The following PTPRD variants were observed in gnomAD, a reference collection of about 807,000 sequenced individuals.
The protein encoded by PTPRD is receptor-type tyrosine-protein phosphatase delta.
In PTPRD, 34 loss-of-function variants were observed where a neutral mutation model predicts 214.5. The observed-to-expected ratio is 0.16, with a 90% CI of 0.12 to 0.21. The LOEUF is 0.21. PTPRD is among the 10% of genes least tolerant of loss of function. PTPRD has a pLI of 1.00. For synonymous variants in PTPRD, 1,128 were observed against 845.7 expected (o/e 1.33, Z -5.79); for missense variants, 2,545 against 2,398.7 (o/e 1.06, Z -1.27).
At chr9:9,857,392 G>A (rs1245761226) in intron 5 of PTPRD, among the ~76,000 whole-genome samples, 1 of 152,162 alleles carries the variant, frequency 6.6e-6, no homozygotes, top group Non-Finnish European at 1.5e-5. Flanking sequence ...GGAGCCCTGA[G>A]TAAGTTAAAT....
intron 8 of PTPRD, among the ~76,000 whole-genome samples, chr9:9,517,903 T>C (rs768431779): frequency 2.0e-5 from 3 of 151,492 alleles, no homozygotes; most frequent in Non-Finnish European, 4.4e-5. Context: ...CTTGAAACAA[T>C]TGTAATAATC....
intron 3 of PTPRD, among the ~76,000 whole-genome samples, chr9:10,094,716 G>A (rs1430093452): frequency 1.3e-5 from 2 of 151,218 alleles, no homozygotes; most frequent in East Asian, 2.0e-4. Context: ...AGGAATTGAA[G>A]TAAGGAATTA....
At chr9:8,958,925 G>A (rs970037019) in intron 11 of PTPRD, 1 of 151,946 alleles carries the variant, frequency 6.6e-6, no homozygotes, top group Non-Finnish European at 1.5e-5. Context: ...TACTATGTGA[G>A]CCAATGAATT....
Position 8,341,735 on chromosome 9 carries a change from T to C in PTPRD, c.4905A>G (p.Ile1635Met), listed in dbSNP as rs2132489972. The change falls in exon 40 of 46, where the codon ATA becomes ATG. Residue 1635 changes from isoleucine to methionine, a missense_variant. Transcript: ENST00000381196. ...TTCCTGTGACATTCTCTCCCGTTTC[T>C]ATTTGTGTCAGCTTCTGAATGTAGG... ...LYAYIQKLTQ[I>M]ETGENVTGME... The C allele has an allele frequency of 1.2e-6, 2 of 1,613,570 alleles. No homozygotes were observed. Among genetic ancestry groups the C allele is most frequent in the East Asian group, 2.2e-5 (1 of 44,820 alleles).
At chr9:8,714,282 C>T (rs2098405008) in intron 12 of PTPRD, among the ~76,000 whole-genome samples, 1 of 149,124 alleles carries the variant, frequency 6.7e-6, no homozygotes, top group African/African-American at 2.5e-5. Context: ...ATCATCTTTA[C>T]CTTTCCCCTT....
At chr9:9,450,126 G>C (rs10977761) in intron 8 of PTPRD, among the ~76,000 whole-genome samples, 70,184 of 146,288 alleles carry the variant, frequency 0.48, 16,864 homozygotes, top group East Asian at 0.64. Flanking sequence ...GTGTCTGTGT[G>C]TGTGTGTGTG....
chr9:9,693,275 G>A (rs2097307619), intron 7 of PTPRD, among the ~76,000 whole-genome samples: 1 of 152,062 alleles, frequency 6.6e-6, no homozygotes, highest in African/African-American at 2.4e-5. Context: ...GGAGGAATCT[G>A]GTGAGAAGTG....
At chr9:8,586,437 T>C (rs1406286277) in intron 14 of PTPRD, among the ~76,000 whole-genome samples, 1 of 152,244 alleles carries the variant, frequency 6.6e-6, no homozygotes, top group African/African-American at 2.4e-5. Context: ...TACCACTCAT[T>C]CCACATTGGA....
chr9:10,583,282 G>C lies in PTPRD; in HGVS notation c.-600+29116C>G, dbSNP rs577037427. ...GCGGGTGACCTACCTTTTAGAAGAG[G>C]ACAAAAGCTAACATGTGAGATGGTA... On this transcript the variant is annotated intron_variant, in intron 2 of 45. Coordinates refer to ENST00000381196, the MANE Select transcript of PTPRD (RefSeq NM_002839.4). Among the ~76,000 whole-genome samples, 258 of 152,196 alleles carry C rather than the reference G, an allele frequency of 1.7e-3. 1 individual carries two copies. Among genetic ancestry groups the C allele is most frequent in the African/African-American group, 5.9e-3 (247 of 41,530 alleles).
intron 2 of PTPRD, among the ~76,000 whole-genome samples, chr9:10,390,437 T>C (rs1586963473): frequency 6.6e-6 from 1 of 151,782 alleles, no homozygotes; most frequent in Non-Finnish European, 1.5e-5. Flanking sequence ...GTAAAGGCAG[T>C]TGAAATGCAA....
chr9:8,616,085 C>T (rs923350135), intron 14 of PTPRD, among the ~76,000 whole-genome samples: 1 of 152,148 alleles, frequency 6.6e-6, no homozygotes, highest in African/African-American at 2.4e-5. Context: ...TAGCTAATCA[C>T]TTTTAAAGTC....
intron 2 of PTPRD, among the ~76,000 whole-genome samples, chr9:10,495,610 T>C (rs1185514938): frequency 6.6e-6 from 1 of 151,896 alleles, no homozygotes; most frequent in Non-Finnish European, 1.5e-5. Context: ...TTGGCAGTTA[T>C]ATAATTGAGC....
intron 4 of PTPRD, among the ~76,000 whole-genome samples, chr9:9,950,066 G>C (rs149605867): frequency 6.6e-6 from 1 of 152,254 alleles, no homozygotes; most frequent in Non-Finnish European, 1.5e-5. Context: ...CCAGCCCATA[G>C]ATATCAGACA....
At chr9:8,514,882 T>C (rs2097757630) in intron 21 of PTPRD, among the ~76,000 whole-genome samples, 1 of 152,154 alleles carries the variant, frequency 6.6e-6, no homozygotes, top group Admixed American at 6.5e-5. Context: ...CCTATGCCGT[T>C]GTCGTGATAG....
intron 2 of PTPRD, among the ~76,000 whole-genome samples, chr9:10,502,591 GAATA>G (rs1339713258): frequency 6.6e-6 from 1 of 151,960 alleles, no homozygotes; most frequent in Admixed American, 6.6e-5. Context: ...GAAAAATACA[GAATA>G]AATAGAGTAC....
intron 2 of PTPRD, among the ~76,000 whole-genome samples, chr9:10,396,309 G>A (rs999988526): frequency 3.3e-5 from 5 of 151,954 alleles, no homozygotes; most frequent in African/African-American, 1.2e-4. Context: ...TTAAGGTGGA[G>A]GAATGAGCTA....
At chr9:10,224,376 ATATTT>A (rs1333883171) in intron 3 of PTPRD, among the ~76,000 whole-genome samples, 2 of 152,016 alleles carry the variant, frequency 1.3e-5, no homozygotes, top group African/African-American at 2.4e-5. Flanking sequence ...TTTTCTTATT[ATATTT>A]AAGTTTTAGG....
intron 7 of PTPRD, among the ~76,000 whole-genome samples, chr9:9,636,098 C>G (rs1385445224): frequency 6.6e-6 from 1 of 152,150 alleles, no homozygotes; most frequent in Non-Finnish European, 1.5e-5. Context: ...TCTTCATTTG[C>G]TCAATTTTCT....
intron 3 of PTPRD, among the ~76,000 whole-genome samples, chr9:10,231,528 G>T (rs556041819): frequency 6.6e-6 from 1 of 152,046 alleles, no homozygotes; most frequent in Admixed American, 6.6e-5. Context: ...AAGAATATTT[G>T]GGATGGGGGT....
Sources: allele counts gnomAD v4.1 joint callset (sites outside exome capture counted in the v4.1 genomes callset), GRCh38; gene constraint gnomAD v4.1.1; transcripts MANE v1.5; gene names NCBI Gene and HGNC (gene_info 2026-07-23, HGNC 2026-07-21).